GPC5: variants seen among roughly 807,000 people sequenced by gnomAD.
The protein encoded by GPC5 is glypican 5.
A neutral mutation model predicts 53.9 loss-of-function variants in GPC5; 47 were observed. The ratio of observed to expected loss-of-function variants is 0.87; its 90% CI spans 0.69 to 1.11. GPC5 has a LOEUF of 1.11. Among genes scored for constraint, GPC5 ranks in the 50% most tolerant of loss-of-function variants. The pLI is 0.00. For missense variants in GPC5, 748 were observed against 713.1 expected, an observed-to-expected ratio of 1.05 and a Z score of -0.56; for synonymous variants, 286 against 263.3, an observed-to-expected ratio of 1.09 and a Z score of -0.84.
intron 7 of GPC5, among the ~76,000 whole-genome samples, chr13:92,196,946 G>A (rs2042260818): frequency 6.6e-6 from 1 of 152,144 alleles, no homozygotes; most frequent in Non-Finnish European, 1.5e-5. Flanking sequence ...TATTTGGGTA[G>A]GCCTGCTATA....
chr13:91,936,284 CT>C (rs1427678743), intron 6 of GPC5, among the ~76,000 whole-genome samples: 1 of 151,998 alleles, frequency 6.6e-6, no homozygotes, highest in Non-Finnish European at 1.5e-5. Context: ...CCTCCTTTGC[CT>C]TAATGGAGTC....
intron 7 of GPC5, among the ~76,000 whole-genome samples, chr13:92,293,971 T>C (rs143601917): frequency 0.2 from 30,388 of 152,178 alleles, 3,168 homozygotes; most frequent in South Asian, 0.37. Context: ...TGTTTTTAAT[T>C]CTGTTTATGT....
chr13:91,423,927 A>C (rs1198277508), intron 1 of GPC5, among the ~76,000 whole-genome samples: 1 of 152,202 alleles, frequency 6.6e-6, no homozygotes, highest in Non-Finnish European at 1.5e-5. Context: ...TTTAAACTTA[A>C]AAGTTTCCAA....
chr13:92,478,805 A>T (rs1159203581), intron 7 of GPC5, among the ~76,000 whole-genome samples: 2 of 152,102 alleles, frequency 1.3e-5, no homozygotes, highest in African/African-American at 4.8e-5. Context: ...CCAACGTTGG[A>T]CCTTCCTAAC....
intron 4 of GPC5, among the ~76,000 whole-genome samples, chr13:91,750,863 T>C (rs547293): frequency 0.21 from 32,382 of 151,706 alleles, 3,943 homozygotes; most frequent in African/African-American, 0.32. Flanking sequence ...GGTTTCTCCA[T>C]GTTGGTCAGG....
intron 7 of GPC5, among the ~76,000 whole-genome samples, chr13:92,192,879 A>T (rs2042232307): frequency 6.6e-6 from 1 of 152,198 alleles, no homozygotes; most frequent in African/African-American, 2.4e-5. Flanking sequence ...CTGAGAATTT[A>T]TTAAAAACAT....
At chr13:92,000,466 C>T (rs1255281938) in intron 6 of GPC5, among the ~76,000 whole-genome samples, 1 of 151,890 alleles carries the variant, frequency 6.6e-6, no homozygotes, top group Non-Finnish European at 1.5e-5. Context: ...ATAATAATGT[C>T]ATTACTCATT....
intron 7 of GPC5, among the ~76,000 whole-genome samples, chr13:92,585,001 A>C (rs1346250787): frequency 6.6e-6 from 1 of 151,988 alleles, no homozygotes; most frequent in Non-Finnish European, 1.5e-5. Flanking sequence ...CCTAGGCAAA[A>C]GTTTGCTGGT....
At chr13:92,517,803 GC>G (rs762427500) in intron 7 of GPC5, among the ~76,000 whole-genome samples, 35 of 152,172 alleles carry the variant, frequency 2.3e-4, no homozygotes, top group African/African-American at 8.0e-4. Flanking sequence ...GCAGCTACTC[GC>G]CAGCAATGGA....
intron 1 of GPC5, among the ~76,000 whole-genome samples, chr13:91,410,907 G>A (rs1226411439): frequency 1.3e-5 from 2 of 151,900 alleles, no homozygotes; most frequent in Non-Finnish European, 2.9e-5. Context: ...TCAAGAGATC[G>A]AGACCATCCT....
intron 2 of GPC5, among the ~76,000 whole-genome samples, chr13:91,666,023 A>G (rs916541802): frequency 1.3e-5 from 2 of 152,210 alleles, no homozygotes; most frequent in Non-Finnish European, 2.9e-5. Context: ...CTTTAACACG[A>G]TGCTCACTAC....
intron 7 of GPC5, among the ~76,000 whole-genome samples, chr13:92,217,049 C>T (rs1042769405): frequency 6.6e-6 from 1 of 151,712 alleles, no homozygotes; most frequent in Non-Finnish European, 1.5e-5. Flanking sequence ...GTGGGGGTAG[C>T]GCCCAGTCCC....
chr13:92,464,858 A>G (rs1878629719), intron 7 of GPC5, among the ~76,000 whole-genome samples: 1 of 151,936 alleles, frequency 6.6e-6, no homozygotes, highest in African/African-American at 2.4e-5. Flanking sequence ...TTGGATATAT[A>G]TATCAATATA....
chr13:92,405,931 CAGAG>C (rs1875777772), intron 7 of GPC5, among the ~76,000 whole-genome samples: 1 of 152,116 alleles, frequency 6.6e-6, no homozygotes, highest in South Asian at 2.1e-4. Flanking sequence ...TTCCAAGTAT[CAGAG>C]AGAACAGATG....
intron 5 of GPC5, among the ~76,000 whole-genome samples, chr13:91,868,568 G>T (rs955443762): frequency 1.1e-4 from 17 of 152,006 alleles, no homozygotes; most frequent in Non-Finnish European, 1.9e-4. Context: ...AGCTGGGTCT[G>T]GTGGCACATG....
chr13:92,777,090 G>A (rs1016977458), intron 7 of GPC5, among the ~76,000 whole-genome samples: 1 of 149,260 alleles, frequency 6.7e-6, no homozygotes, highest in Non-Finnish European at 1.5e-5. Flanking sequence ...CTAGTACTTT[G>A]GGAGGCCAAG....
At chr13:92,061,787 C>T (rs2041126280) in intron 6 of GPC5, among the ~76,000 whole-genome samples, 1 of 151,804 alleles carries the variant, frequency 6.6e-6, no homozygotes, top group Non-Finnish European at 1.5e-5. Context: ...TCTTAGGATC[C>T]ATTACTAAAA....
At chr13:92,487,840 T>TAAAAA (rs66972682) in intron 7 of GPC5, among the ~76,000 whole-genome samples, 2 of 99,550 alleles carry the variant, frequency 2.0e-5, no homozygotes, top group Admixed American at 9.7e-5. Flanking sequence ...ATAAATATAG[T>TAAAAA]AAAAAAAAAA....
chr13:91,650,772 T>TTTTTTTTTTTTTTTTTA (rs2034687788), intron 2 of GPC5, among the ~76,000 whole-genome samples: 2 of 127,004 alleles, frequency 1.6e-5, no homozygotes, highest in African/African-American at 5.6e-5. Context: ...TTTTTTTTTT[T>TTTTTTTTTTTTTTTTTA]AGCACAGAAG....
Sources: allele counts gnomAD v4.1 joint callset (sites outside exome capture counted in the v4.1 genomes callset), GRCh38; gene constraint gnomAD v4.1.1; transcripts MANE v1.5; gene names NCBI Gene and HGNC (gene_info 2026-07-23, HGNC 2026-07-21).